Variants in VWF observed in about 807,000 individuals in gnomAD.
The protein encoded by VWF is Factor VIII related antigen.
In VWF, 176 loss-of-function variants were observed where a neutral mutation model predicts 308.6. That is an observed-to-expected ratio of 0.57 (90% confidence interval 0.50 to 0.65). The LOEUF is 0.65. Ranked by LOEUF, VWF falls within the 30% of genes least tolerant of loss-of-function variation. The pLI, the probability that VWF is intolerant of heterozygous loss-of-function variation, is 0.00. For synonymous variants in VWF, 1,385 were observed against 1,443.4 expected (o/e 0.96, Z 0.92); for missense variants, 3,146 against 3,648.2 (o/e 0.86, Z 3.55).
rs370201773 is a variant in VWF, at chr12:6,072,421, C to G, written c.1019G>C (p.Gly340Ala). The G allele has an allele frequency of 9.3e-6, 15 of 1,614,088 alleles. No individual in the cohort carries two copies. Among genetic ancestry groups the G allele is most frequent in the Non-Finnish European group, 1.1e-5 (13 of 1,180,022 alleles). The change falls in exon 9 of 52, where the codon GGC (glycine) becomes GCC (alanine). Residue 340 changes from glycine (G) to alanine (A), a missense_variant. Around this residue, in one of 3 missense-constraint regions of VWF, gnomAD observed 1,304 missense variants for 1,353.0 expected, o/e 0.96. Transcript: ENST00000261405. ...ACACTCGGTGCTCTCCACGCAGAGG[C>G]CTTCATCCAGGAGCTGTCCCTCTGG... The part of the protein sequence containing the change: ...SCPEGQLLDE[G>A]LCVESTECPC...
chr12:6,040,009 A>G (rs1944379979), intron 18 of VWF, among the ~76,000 whole-genome samples: 1 of 152,136 alleles, frequency 6.6e-6, no homozygotes, highest in Non-Finnish European at 1.5e-5. Flanking sequence ...CAGAATTTCC[A>G]CTATACAACT....
intron 18 of VWF, among the ~76,000 whole-genome samples, chr12:6,041,684 T>C (rs534137421): frequency 6.6e-6 from 1 of 152,134 alleles, no homozygotes; most frequent in East Asian, 2.0e-4. Context: ...CCTGACCTCG[T>C]AATCCGCCCG....
Position 6,109,319 on chromosome 12 carries a change from T to C in VWF, c.532+1055A>G, listed in dbSNP as rs139397037. Among the ~76,000 whole-genome samples the C allele has an allele frequency of 6.3e-3, 940 of 150,388 alleles. 14 individuals are homozygous for C. Among genetic ancestry groups the C allele is most frequent in the African/African-American group, 0.023 (899 of 39,894 alleles). On this transcript the variant is annotated intron_variant, in intron 5 of 51. Coordinates refer to ENST00000261405, the MANE Select transcript of VWF (RefSeq NM_000552.5). ...TACATATATACACACATATACAGTATATATACATATTTACACAAACACACA... is the reference window on the plus strand; with the variant it reads ...TACATATATACACACATATACAGTACATATACATATTTACACAAACACACA...
intron 18 of VWF, among the ~76,000 whole-genome samples, chr12:6,038,414 CAT>C (rs1168680977): frequency 6.6e-6 from 1 of 152,222 alleles, no homozygotes; most frequent in Admixed American, 6.5e-5. Context: ...CTCAGCAGCA[CAT>C]GTTGCCCCTC....
intron 5 of VWF, among the ~76,000 whole-genome samples, chr12:6,099,862 C>A (rs1238812329): frequency 6.6e-6 from 1 of 152,158 alleles, no homozygotes; most frequent in Non-Finnish European, 1.5e-5. Context: ...ACACCAAAAG[C>A]AATGGCAACG....
rs554849286 is a variant in VWF, at chr12:6,117,376, G to C, written c.220+3798C>G. Among the ~76,000 whole-genome samples the C allele has an allele frequency of 3.3e-5, 5 of 152,294 alleles. No individual in the cohort carries two copies. The South Asian group carries it at 1.0e-3, about 32-fold the overall frequency. On this transcript the variant is annotated intron_variant, in intron 3 of 51. Transcript: ENST00000261405. ...GCACAAACCTGTGTGGATTATGAGG[G>C]GGAGTTGAAACTCAAGTGACCCTGA...
chr12:6,068,624 C>A (rs1163147814), intron 10 of VWF, among the ~76,000 whole-genome samples: 1 of 151,956 alleles, frequency 6.6e-6, no homozygotes, highest in Admixed American at 6.6e-5. Flanking sequence ...CATGTGCCAC[C>A]ATGCCCAGCT....
At chr12:6,095,395 C>A (rs745539026) in intron 6 of VWF, 65 bp downstream of exon 6, 1 of 1,609,480 alleles carries the variant, frequency 6.2e-7, no homozygotes, top group Non-Finnish European at 8.5e-7. Flanking sequence ...GAGACTGAGT[C>A]CTTCTGTCTT....
chr12:5,951,641 G>A (rs1198235749), intron 50 of VWF, among the ~76,000 whole-genome samples: 4 of 152,198 alleles, frequency 2.6e-5, no homozygotes, highest in African/African-American at 9.7e-5. Flanking sequence ...AGGGCAGTCT[G>A]ATGACATCCA....
At chr12:5,955,637 T>A (rs1943240743) in intron 47 of VWF, among the ~76,000 whole-genome samples, 1 of 152,010 alleles carries the variant, frequency 6.6e-6, no homozygotes, top group South Asian at 2.1e-4. Flanking sequence ...TATGGGTTGG[T>A]TCCAAGTCTT....
intron 6 of VWF, among the ~76,000 whole-genome samples, chr12:6,080,693 G>A (rs2052744114): frequency 6.6e-6 from 1 of 152,238 alleles, no homozygotes; most frequent in African/African-American, 2.4e-5. Flanking sequence ...CTGAGAGGCT[G>A]TTCCAAGTCT....
intron 5 of VWF, among the ~76,000 whole-genome samples, chr12:6,103,503 CGT>C (rs1491225453): frequency 0.019 from 2,332 of 121,338 alleles, 198 homozygotes; most frequent in African/African-American, 0.092. Flanking sequence ...TATACACACA[CGT>C]ATATATATAC....
rs1374402576 is a variant in VWF at position 5,969,219 on chromosome 12, C to A, written c.7721G>T (p.Cys2574Phe). 1 of 1,613,202 alleles carries A rather than the reference C, an allele frequency of 6.2e-7. No individual in the cohort carries two copies. Among genetic ancestry groups the A allele is most frequent in the African/African-American group, 1.3e-5 (1 of 74,938 alleles). ...SCKTSACCPS[C>F]RCERMEACML... The stretch of plus-strand genomic sequence containing the variant: ...CAGCCTGCATGCCTTACCACAGCGA[C>A]AGCTTGGGCAGCACGCTGAGGTCTT... The change falls in exon 45 of 52, where the codon TGT (cysteine) becomes TTT (phenylalanine). Residue 2574 changes from cysteine to phenylalanine, a missense_variant. By Grantham distance (205) the Cys-to-Phe change is radical (BLOSUM62 -2). This residue lies in a region of VWF where 989 missense variants were observed against 1,117.4 expected (regional missense o/e 0.89). Coordinates refer to ENST00000261405, the MANE Select transcript of VWF (RefSeq NM_000552.5).
At chr12:6,050,990 G>A (rs1359210898) in intron 16 of VWF, among the ~76,000 whole-genome samples, 2 of 151,150 alleles carry the variant, frequency 1.3e-5, no homozygotes, top group Non-Finnish European at 2.9e-5. Flanking sequence ...TGGATTGAAT[G>A]TTAGACGTTA....
rs546302081 is a variant in VWF, at chr12:6,077,636, C to T, written c.658-2085G>A. On this transcript the variant is annotated intron_variant, in intron 6 of 51. Coordinates refer to ENST00000261405, the MANE Select transcript of VWF (RefSeq NM_000552.5). ...ACCTGTGGAAATGACCAGTCCCAGA[C>T]GGCCTGTTGGGGCCACGTGAAGATG... Among the ~76,000 whole-genome samples, 7 of 152,348 alleles carry T rather than the reference C, an allele frequency of 4.6e-5. No individual in the cohort carries two copies. The East Asian group carries it at 9.6e-4, about 21-fold the overall frequency.
chr12:6,117,204 A>G (rs1488669269), intron 3 of VWF, among the ~76,000 whole-genome samples: 1 of 152,240 alleles, frequency 6.6e-6, no homozygotes. Context: ...ACACTTCACA[A>G]GGGCAAACAG....
At chr12:5,960,095 C>T (rs1943296323) in intron 47 of VWF, among the ~76,000 whole-genome samples, 1 of 147,858 alleles carries the variant, frequency 6.8e-6, no homozygotes, top group East Asian at 2.0e-4. Flanking sequence ...ATATAATAGA[C>T]AAATTAGTCA....
At chr12:5,973,319 T>G (rs1030957512) in intron 43 of VWF, among the ~76,000 whole-genome samples, 3 of 152,236 alleles carry the variant, frequency 2.0e-5, no homozygotes, top group Non-Finnish European at 2.9e-5. Flanking sequence ...CTGTTTTCAT[T>G]GGTTTCCCAA....
At chr12:5,990,306 C>A (rs756575066) in intron 38 of VWF, among the ~76,000 whole-genome samples, 1 of 152,166 alleles carries the variant, frequency 6.6e-6, no homozygotes, top group Non-Finnish European at 1.5e-5. Flanking sequence ...TAAATCCCAG[C>A]TTTATCACCT....
Sources: gnomAD v4.1 joint callset for allele counts (sites outside exome capture counted in the v4.1 genomes callset) on GRCh38, gnomAD v4.1.1 for gene constraint, gnomAD v4.1.1 regional missense constraint, MANE v1.5 for transcripts, NCBI Gene and HGNC (gene_info 2026-07-23, HGNC 2026-07-21) for gene names.